The following PARN variants were observed in gnomAD, a reference collection of about 807,000 sequenced individuals.
PARN encodes poly(A)-specific ribonuclease PARN.
PARN carries 71 observed loss-of-function variants against 102.8 expected under a neutral mutation model. The ratio of observed to expected loss-of-function variants is 0.69; its 90% confidence interval spans 0.57 to 0.84. PARN has a LOEUF of 0.84. PARN is among the 40% of genes least tolerant of loss of function. PARN has a pLI of 0.00. For missense variants in PARN, 782 were observed against 760.9 expected, an observed-to-expected ratio of 1.03 and a Z score of -0.33; for synonymous variants, 261 against 252.9, an observed-to-expected ratio of 1.03 and a Z score of -0.30.
At chr16:14,488,199 A>G (rs1320392486) in intron 21 of PARN, among the ~76,000 whole-genome samples, 1 of 152,314 alleles carries the variant, frequency 6.6e-6, no homozygotes, top group South Asian at 2.1e-4. Flanking sequence ...GGGAAAAAAA[A>G]AGAAATTGGA....
intron 18 of PARN, among the ~76,000 whole-genome samples, chr16:14,565,410 C>CA (rs71636621): frequency 0.048 from 5,085 of 105,356 alleles, 199 homozygotes; most frequent in African/African-American, 0.13. Context: ...GAAACAAAGG[C>CA]AAAAAAAAAA....
intron 6 of PARN, among the ~76,000 whole-genome samples, chr16:14,614,150 G>A (rs561628986): frequency 1.0e-3 from 152 of 151,894 alleles, no homozygotes; most frequent in African/African-American, 3.5e-3. Context: ...CCAGCTACAC[G>A]GAAGGCTGAG....
chr16:14,488,390 C>T (rs1164045683), intron 21 of PARN, among the ~76,000 whole-genome samples: 1 of 152,098 alleles, frequency 6.6e-6, no homozygotes, highest in African/African-American at 2.4e-5. Flanking sequence ...ATAAGTTTGG[C>T]TACATTAATA....
intron 2 of PARN, 53 bp downstream of exon 2, chr16:14,629,544 A>G (rs1972899538): frequency 7.8e-7 from 1 of 1,281,420 alleles, no homozygotes; most frequent in Non-Finnish European, 1.1e-6. Flanking sequence ...GGATTGAAGG[A>G]GCCTTGGCTA....
chr16:14,615,112 G>A (rs956388336), intron 6 of PARN, among the ~76,000 whole-genome samples: 1 of 152,074 alleles, frequency 6.6e-6, no homozygotes, highest in Non-Finnish European at 1.5e-5. Context: ...AGCCTGAATG[G>A]AAAGCCTTGA....
rs191925600 is a variant in PARN at position 14,478,817 on chromosome 16, T to C, written c.1670+3821A>G. Among the ~76,000 whole-genome samples, 17 of 152,340 alleles carry C rather than the reference T, an allele frequency of 1.1e-4. 1 individual carries two copies. In the East Asian group the frequency reaches 2.9e-3, roughly 26 times the overall value. On this transcript the variant is annotated intron_variant, in intron 22 of 23. Transcript: ENST00000437198. ...TTTTTTTGAGATGAAGTCTCGCTCT[T>C]GTCCCCCAGGCTGAAGTGCAATGGC...
chr16:14,605,072 T>G (rs1173361061), intron 10 of PARN, among the ~76,000 whole-genome samples: 1 of 152,130 alleles, frequency 6.6e-6, no homozygotes, highest in East Asian at 1.9e-4. Context: ...CCTGAGTAGC[T>G]GGGACTACAG....
chr16:14,486,536 A>G (rs1963708062), intron 21 of PARN, among the ~76,000 whole-genome samples: 1 of 152,250 alleles, frequency 6.6e-6, no homozygotes. Context: ...CAGCTGATAG[A>G]CAAATGTTAC....
At chr16:14,523,884 C>G (rs550683632) in intron 21 of PARN, among the ~76,000 whole-genome samples, 5 of 152,054 alleles carry the variant, frequency 3.3e-5, no homozygotes, top group African/African-American at 9.6e-5. Flanking sequence ...ATAGGGAGCA[C>G]TTATACTAGA....
intron 22 of PARN, among the ~76,000 whole-genome samples, chr16:14,464,333 T>C (rs1374541375): frequency 6.6e-6 from 1 of 152,010 alleles, no homozygotes; most frequent in Non-Finnish European, 1.5e-5. Context: ...AGAAAAAATA[T>C]GGGGATGACA....
chr16:14,625,331 C>T (rs1455115764), intron 5 of PARN, among the ~76,000 whole-genome samples: 2 of 151,998 alleles, frequency 1.3e-5, no homozygotes, highest in African/African-American at 4.8e-5. Flanking sequence ...AGCCTCACCT[C>T]TACCAAAAAT....
At chr16:14,445,084 T>C (rs1961137998) in intron 23 of PARN, among the ~76,000 whole-genome samples, 1 of 151,036 alleles carries the variant, frequency 6.6e-6, no homozygotes, top group Admixed American at 6.6e-5. Context: ...TGCTTCAGCT[T>C]CCCAGAGTGG....
chr16:14,473,727 A>G (rs1962880815), intron 22 of PARN, among the ~76,000 whole-genome samples: 1 of 152,182 alleles, frequency 6.6e-6, no homozygotes, highest in African/African-American at 2.4e-5. Flanking sequence ...TAAGGGTCAA[A>G]GGGGCCACTG....
chr16:14,608,316 G>A lies in PARN; in HGVS notation c.624C>T (p.Phe208=). Residue 208 remains phenylalanine, a synonymous_variant, in exon 9 of 24, where the codon TTC becomes TTT. Coordinates refer to ENST00000437198, the MANE Select transcript of PARN (RefSeq NM_002582.4). ...AAGTCTGATAAATTAGTTTTCTTTGGAACCTATAAAAACAAAAGAAAAGGT... is the reference window on the plus strand; with the variant it reads ...AAGTCTGATAAATTAGTTTTCTTTGAAACCTATAAAAACAAAAGAAAAGGT... ...KNLDLEPCTG[F]QRKLIYQTLS... 1 of 1,532,622 alleles carries A rather than the reference G, an allele frequency of 6.5e-7. No individual in the cohort carries two copies. Among genetic ancestry groups the A allele is most frequent in the Non-Finnish European group, 8.8e-7 (1 of 1,131,444 alleles). The allele number at this position is 1,532,622 out of a possible 1,614,324, so 94.9% of individuals were successfully genotyped here. A position where few individuals can be genotyped will look rare whatever the true frequency, so the allele number is the denominator to read the frequency against.
chr16:14,533,586 C>A (rs190814297), intron 21 of PARN, among the ~76,000 whole-genome samples: 4 of 152,278 alleles, frequency 2.6e-5, no homozygotes, highest in Non-Finnish European at 5.9e-5. Context: ...TCCACGTGCC[C>A]TCTGTTTCAG....
At chr16:14,588,314 G>A (rs1969978567) in intron 13 of PARN, among the ~76,000 whole-genome samples, 1 of 152,184 alleles carries the variant, frequency 6.6e-6, no homozygotes, top group African/African-American at 2.4e-5. Flanking sequence ...GGTTGGGCTG[G>A]ATCACAGAAA....
chr16:14,558,982 C>T (rs9889193), intron 18 of PARN, among the ~76,000 whole-genome samples: 1,542 of 152,118 alleles, frequency 0.01, 32 homozygotes, highest in African/African-American at 0.035. Flanking sequence ...ATTAATCTTT[C>T]GTATACTGTG....
chr16:14,569,212 A>AT (rs1347435814), intron 18 of PARN, among the ~76,000 whole-genome samples: 9 of 152,100 alleles, frequency 5.9e-5, no homozygotes, highest in African/African-American at 2.2e-4. Flanking sequence ...CTTCTCAAAA[A>AT]ATATATACAA....
chr16:14,598,513 T>C (rs553183689), intron 12 of PARN, among the ~76,000 whole-genome samples: 5 of 152,286 alleles, frequency 3.3e-5, no homozygotes, highest in South Asian at 2.1e-4. Context: ...CCACCACTTA[T>C]CTGAAGTCTG....
Sources: gnomAD v4.1 joint callset for allele counts (sites outside exome capture counted in the v4.1 genomes callset) on GRCh38, gnomAD v4.1.1 for gene constraint, MANE v1.5 for transcripts, NCBI Gene and HGNC (gene_info 2026-07-23, HGNC 2026-07-21) for gene names.